The following KANSL2 variants were observed in gnomAD, a reference collection of about 807,000 sequenced individuals.
KANSL2 encodes the protein NSL complex protein NSL2.
In KANSL2, 34 loss-of-function variants were observed where a neutral mutation model predicts 55.6. The ratio of observed to expected loss-of-function variants is 0.61; its 90% CI spans 0.46 to 0.81. The LOEUF (loss-of-function observed/expected upper bound fraction) is 0.81, where lower values mean the gene tolerates loss of function less well. KANSL2 is among the 40% of genes least tolerant of loss of function. The probability of loss-of-function intolerance (pLI) is 0.00; values close to 1 mark genes in which losing one functional copy is unlikely to be tolerated. For missense variants in KANSL2, 502 were observed against 609.9 expected (o/e 0.82, Z 1.86); for synonymous variants, 209 against 214.3 (o/e 0.98, Z 0.22).
intron 7 of KANSL2, among the ~76,000 whole-genome samples, chr12:48,667,091 C>T (rs942919434): frequency 7.3e-5 from 11 of 151,508 alleles, no homozygotes; most frequent in African/African-American, 2.2e-4. Context: ...CGCTTGAACT[C>T]GGGAGGCGGA....
At chr12:48,670,718 C>G (rs370493145) in intron 5 of KANSL2, among the ~76,000 whole-genome samples, 2 of 151,938 alleles carry the variant, frequency 1.3e-5, no homozygotes, top group African/African-American at 4.8e-5. Context: ...GTAATCAATC[C>G]CAGCACTTTG....
In KANSL2 at chr12:48,669,238, CA is replaced by C. The variant is rs1249117203; in HGVS notation, c.743del (p.Leu248TrpfsTer8). On this transcript the variant is annotated frameshift_variant, in exon 6 of 10. Transcript: ENST00000420613. LOFTEE classifies it high-confidence loss of function. Reference sequence around the variant, plus strand: ...GCTTTAAGTTCTCTCGTTCTTTGGCCAAAAGTCCCTCTGGGCCAGTCAGGAG... The same window carrying C: ...GCTTTAAGTTCTCTCGTTCTTTGGCCAAAGTCCCTCTGGGCCAGTCAGGAG... ...SSLLTGPEGL[L>X]AKERENLKRL... is the part of the protein sequence containing the mutation. 3 of 1,574,874 alleles carry C rather than the reference CA, an allele frequency of 1.9e-6. No individual in the cohort carries two copies. Among genetic ancestry groups the C allele is most frequent in the Admixed American group, 3.7e-5 (2 of 53,892 alleles).
rs572961856 is a variant in KANSL2 at position 48,673,480 on chromosome 12, A to C, written c.546-1518T>G. Among the ~76,000 whole-genome samples, 39 of 151,970 alleles carry C rather than the reference A, an allele frequency of 2.6e-4. 2 individuals are homozygous for C. In the South Asian group the frequency reaches 7.9e-3, roughly 31 times the overall value. On this transcript the variant is annotated intron_variant, in intron 4 of 9. Coordinates refer to ENST00000420613, the MANE Select transcript of KANSL2 (RefSeq NM_017822.4). ...GAGGCTGGGGCAGGAGAATTGCTTG[A>C]ACCCGGGAGGCAGAGGTTGCAGTGA...
chr12:48,679,811 C>A lies in KANSL2; in HGVS notation c.274G>T (p.Val92Phe), dbSNP rs766208652. The stretch of plus-strand genomic sequence containing the variant: ...TGAAGTGCCAGGGCATTCCTACGGA[C>A]ATGTTCAGCACAGAAGGACACCCTG... ...KDGVSFCAEHVRRNALALHAQ... is the reference protein window; with the variant it reads ...KDGVSFCAEHFRRNALALHAQ... The change falls in exon 3 of 10, where the codon GTC becomes TTC. Residue 92 changes from valine (V) to phenylalanine (F), a missense_variant. By Grantham distance (50) the Val-to-Phe change is conservative. Coordinates refer to ENST00000420613, the MANE Select transcript of KANSL2 (RefSeq NM_017822.4). 1 of 1,604,916 alleles carries A rather than the reference C, an allele frequency of 6.2e-7. No individual in the cohort carries two copies. Among genetic ancestry groups the A allele is most frequent in the Non-Finnish European group, 8.5e-7 (1 of 1,175,398 alleles).
chr12:48,677,495 A>G (rs540497071), intron 4 of KANSL2, among the ~76,000 whole-genome samples: 80 of 152,140 alleles, frequency 5.3e-4, no homozygotes, highest in South Asian at 1.9e-3. Context: ...AAAAAAAAGG[A>G]ATGAAGCTGG....
intron 8 of KANSL2, chr12:48,656,564 GC>G (rs1939386848): frequency 8.4e-6 from 3 of 355,780 alleles, no homozygotes; most frequent in Non-Finnish European, 1.6e-5. Flanking sequence ...GAGCCACCAC[GC>G]CCGGCCAACT....
intron 6 of KANSL2, 96 bp from the exon 7 acceptor site, chr12:48,667,885 T>C: frequency 1.1e-6 from 1 of 894,606 alleles, no homozygotes; most frequent in Non-Finnish European, 1.8e-6. Context: ...TCCTAAAGGC[T>C]AGAAATTCAA....
Position 48,663,913 on chromosome 12 carries a change from C to CGT in KANSL2, c.974-3295_974-3294insAC, listed in dbSNP as rs1939536370. Reference sequence around the variant, plus strand: ...AAGATACACACTTTTAACTATTAGCCTTTTTTTTTTTTTTTTTTTTTTGAG... The same window carrying CGT: ...AAGATACACACTTTTAACTATTAGCCGTTTTTTTTTTTTTTTTTTTTTTTGAG... On this transcript the variant is annotated intron_variant, in intron 7 of 9. Coordinates refer to ENST00000420613, the MANE Select transcript of KANSL2 (RefSeq NM_017822.4). Among the ~76,000 whole-genome samples, 3 of 112,566 alleles carry CGT rather than the reference C, an allele frequency of 2.7e-5. 1 individual carries two copies. Among genetic ancestry groups the CGT allele is most frequent in the African/African-American group, 9.4e-5 (3 of 31,816 alleles). 73.8% of individuals were successfully genotyped at this position (112,566 alleles called of 152,430 possible).
chr12:48,671,234 C>G (rs1227858115), intron 5 of KANSL2, among the ~76,000 whole-genome samples: 1 of 147,250 alleles, frequency 6.8e-6, no homozygotes, highest in Non-Finnish European at 1.5e-5. Context: ...CACTGCACTC[C>G]AGCCTGGGCA....
chr12:48,660,453 T>C lies in KANSL2; in HGVS notation c.1140A>G (p.Pro380=). The change falls in exon 8 of 10, where the codon CCA becomes CCG. Residue 380 remains proline (P), a synonymous_variant. Transcript: ENST00000420613. ...MYKPEQVLSV[P]DDLEAGPMDL... Reference sequence around the variant, plus strand: ...CCATGGGGCCGGCTTCCAGATCGTCTGGCACAGACAGTACCTGCTCGGGCT... The same window carrying C: ...CCATGGGGCCGGCTTCCAGATCGTCCGGCACAGACAGTACCTGCTCGGGCT... 1 of 1,613,932 alleles carries C rather than the reference T, an allele frequency of 6.2e-7. No homozygotes were observed. Among genetic ancestry groups the C allele is most frequent in the Non-Finnish European group, 8.5e-7 (1 of 1,179,882 alleles).
intron 6 of KANSL2, among the ~76,000 whole-genome samples, chr12:48,668,677 C>T (rs1939647203): frequency 6.6e-6 from 1 of 151,948 alleles, no homozygotes; most frequent in African/African-American, 2.4e-5. Flanking sequence ...CCAGCCTGGG[C>T]AACAAGATTG....
chr12:48,679,879 C>T (rs759784820), intron 2 of KANSL2, 46 bp from the exon 3 acceptor site: 17 of 1,449,608 alleles, frequency 1.2e-5, no homozygotes, highest in South Asian at 2.5e-5. Flanking sequence ...TTCTTGAAAG[C>T]GTTCAATAAT....
chr12:48,661,481 G>A (rs2137180537), intron 7 of KANSL2, among the ~76,000 whole-genome samples: 1 of 152,182 alleles, frequency 6.6e-6, no homozygotes, highest in Middle Eastern at 3.4e-3. Flanking sequence ...CTTGAAATCT[G>A]TTAACTACCT....
At chr12:48,669,548 C>T (rs952364284) in intron 5 of KANSL2, among the ~76,000 whole-genome samples, 3 of 151,256 alleles carry the variant, frequency 2.0e-5, no homozygotes, top group Admixed American at 1.3e-4. Flanking sequence ...GGCACAGTCT[C>T]GCTCTGTTGT....
At chr12:48,657,838 A>G (rs1939416349) in intron 8 of KANSL2, among the ~76,000 whole-genome samples, 1 of 152,056 alleles carries the variant, frequency 6.6e-6, no homozygotes, top group African/African-American at 2.4e-5. Context: ...GCTAGTCTAG[A>G]ACTCCTGACC....
chr12:48,669,481 T>C (rs1939666018), intron 5 of KANSL2, among the ~76,000 whole-genome samples: 1 of 152,082 alleles, frequency 6.6e-6, no homozygotes, highest in African/African-American at 2.4e-5. Flanking sequence ...CCATACATAC[T>C]ATGGTGGTCC....
intron 6 of KANSL2, among the ~76,000 whole-genome samples, chr12:48,668,811 G>T (rs562093846): frequency 6.6e-6 from 1 of 152,142 alleles, no homozygotes; most frequent in Non-Finnish European, 1.5e-5. Context: ...GGAGGCCGAG[G>T]TGGGTAGATC....
intron 4 of KANSL2, among the ~76,000 whole-genome samples, chr12:48,677,993 G>A (rs1020897551): frequency 1.3e-5 from 2 of 151,916 alleles, no homozygotes; most frequent in Non-Finnish European, 1.5e-5. Context: ...CCTAACATAC[G>A]GCCATACTAT....
intron 4 of KANSL2, among the ~76,000 whole-genome samples, chr12:48,678,060 G>T (rs1339254584): frequency 6.6e-6 from 1 of 152,124 alleles, no homozygotes; most frequent in Admixed American, 6.6e-5. Context: ...AGGAGAAAAT[G>T]TAACCCTAAA....
Sources: gnomAD v4.1 joint callset for allele counts (sites outside exome capture counted in the v4.1 genomes callset) on GRCh38, gnomAD v4.1.1 for gene constraint, MANE v1.5 for transcripts, NCBI Gene and HGNC (gene_info 2026-07-23, HGNC 2026-07-21) for gene names.